Variants in CPNE2 observed in about 807,000 individuals in gnomAD.
The protein encoded by CPNE2 is copine 2.
A neutral mutation model predicts 69.7 loss-of-function variants in CPNE2; 42 were observed. The ratio of observed to expected loss-of-function variants is 0.60; its 90% CI spans 0.47 to 0.78. The LOEUF (loss-of-function observed/expected upper bound fraction) is 0.78. Among genes scored for constraint, CPNE2 ranks in the 30% least tolerant of loss-of-function variants. The pLI, the probability that CPNE2 is intolerant of heterozygous loss-of-function variation, is 0.00. For synonymous variants in CPNE2, 294 were observed against 289.8 expected (o/e 1.01, Z -0.15); for missense variants, 587 against 732.0 (o/e 0.80, Z 2.29).
In CPNE2 at chr16:57,092,946, C is replaced by T. The variant is rs1021938512; in HGVS notation, c.-36+156C>T. ...CCCCCGCCGCCAGCGCGAACCCGGA[C>T]TCCGGCGCTTCGGTGACTCAGCTCC... On this transcript the variant is annotated intron_variant, in intron 1 of 15. Coordinates refer to ENST00000290776, the MANE Select transcript of CPNE2 (RefSeq NM_152727.6). The surrounding 1 kb of genome is among the most constrained non-coding windows in gnomAD (Gnocchi z 5.3). 7.9e-5 allele frequency among the ~76,000 whole-genome samples: 12 copies of T among 152,108 alleles called. No homozygotes were observed. Among genetic ancestry groups the T allele is most frequent in the African/African-American group, 2.9e-4 (12 of 41,452 alleles).
At chr16:57,138,142 G>T (rs1424281039) in intron 14 of CPNE2, among the ~76,000 whole-genome samples, 2 of 152,196 alleles carry the variant, frequency 1.3e-5, no homozygotes, top group Non-Finnish European at 2.9e-5. Context: ...GCTGGTCTGG[G>T]TTGAGGAGAC....
At chr16:57,109,831 T>A (rs1326279055) in intron 1 of CPNE2, among the ~76,000 whole-genome samples, 2 of 152,214 alleles carry the variant, frequency 1.3e-5, no homozygotes, top group Non-Finnish European at 2.9e-5. Flanking sequence ...TGACCCAGAA[T>A]GCCTAACCAT....
chr16:57,105,131 G>A (rs1224123324), intron 1 of CPNE2, among the ~76,000 whole-genome samples: 2 of 152,204 alleles, frequency 1.3e-5, no homozygotes, highest in African/African-American at 4.8e-5. Flanking sequence ...AGAGATTCCT[G>A]TTATGGGTCA....
intron 1 of CPNE2, among the ~76,000 whole-genome samples, chr16:57,099,472 C>T (rs2069599049): frequency 6.6e-6 from 1 of 151,772 alleles, no homozygotes. Context: ...AATGTTTCTC[C>T]TAAGTGGTTG....
At chr16:57,093,083 C>G (rs1232850844) in intron 1 of CPNE2, among the ~76,000 whole-genome samples, 2 of 152,050 alleles carry the variant, frequency 1.3e-5, no homozygotes, top group African/African-American at 2.4e-5. Context: ...CTTTGGGGAC[C>G]CTTCCACCCG....
rs1289110990 is a variant in CPNE2 at position 57,146,656 on chromosome 16, A to G, written c.1539+335A>G. On this transcript the variant is annotated intron_variant, in intron 15 of 15. Transcript: ENST00000290776. This position sits in a 1 kb window ranked among gnomAD's most constrained non-coding sequence, Gnocchi z 4.4. ...GGGCTATCCATGTGGTGTAAAGTGCAGGAGGAGAGAGGGGTTTTCCTGATC... is the reference window on the plus strand; with the variant it reads ...GGGCTATCCATGTGGTGTAAAGTGCGGGAGGAGAGAGGGGTTTTCCTGATC... 3.9e-6 allele frequency: 1 copy of G among 258,150 alleles called. No homozygotes were observed. Among genetic ancestry groups the G allele is most frequent in the Non-Finnish European group, 7.5e-6 (1 of 133,362 alleles). 16.0% of individuals were successfully genotyped at this position (258,150 alleles called of 1,614,324 possible).
rs1159232859 is a variant in CPNE2 at position 57,140,945 on chromosome 16, G to T, written c.1302+3663G>T. The T allele has an allele frequency of 5.3e-5, 8 of 149,864 alleles. No homozygotes were observed. In the Admixed American group the frequency reaches 5.4e-4, roughly 10 times the overall value. The allele number at this position is 149,864 out of a possible 1,614,324, so 9.3% of individuals were successfully genotyped here. ...ACTGGCTAGAGAGGGCACAGCAAGA[G>T]GCAGGCTTCACCTTGCACTCCCTCC... On this transcript the variant is annotated intron_variant, in intron 14 of 15. Coordinates refer to ENST00000290776, the MANE Select transcript of CPNE2 (RefSeq NM_152727.6).
intron 14 of CPNE2, chr16:57,145,778 GCAA>G (rs2069952630): frequency 1.5e-5 from 6 of 406,398 alleles, no homozygotes; most frequent in Non-Finnish European, 2.7e-5. Context: ...ATAGCAACTG[GCAA>G]GGCCAGGCCC....
intron 1 of CPNE2, among the ~76,000 whole-genome samples, chr16:57,108,989 CT>C (rs1208099262): frequency 6.6e-6 from 1 of 152,174 alleles, no homozygotes; most frequent in African/African-American, 2.4e-5. Flanking sequence ...ATACTGGATG[CT>C]TCCTGTGCAC....
At chr16:57,140,669 A>G (rs1293538286) in intron 14 of CPNE2, among the ~76,000 whole-genome samples, 2 of 151,848 alleles carry the variant, frequency 1.3e-5, no homozygotes, top group African/African-American at 2.4e-5. Context: ...GGTTCAAGCA[A>G]TTCTCCTGAC....
In CPNE2 at chr16:57,119,614, G is replaced by A. The variant is rs1220901951; in HGVS notation, c.645G>A (p.Val215=). Residue 215 remains valine (V), a synonymous_variant, in exon 7 of 16, where the codon GTG becomes GTA. Coordinates refer to ENST00000290776, the MANE Select transcript of CPNE2 (RefSeq NM_152727.6). The part of the protein sequence containing the change: ...PVWKPFTVPL[V]SLCDGDMEKP... ...GGAAGCCATTCACAGTGCCCTTGGT[G>A]TCCCTGTGTGATGGGGACATGGAGA... 1.9e-6 allele frequency: 3 copies of A among 1,612,790 alleles called. No homozygotes were observed. The highest frequency in any genetic ancestry group is 1.6e-4 in the Middle Eastern group (1 of 6,074).
intron 1 of CPNE2, chr16:57,094,157 A>G (rs2069563176): frequency 2.2e-6 from 1 of 451,738 alleles, no homozygotes; most frequent in African/African-American, 2.0e-5. Context: ...TTCTCCATGG[A>G]AAGAACCAGG....
chr16:57,122,015 C>T (rs1045777532), intron 9 of CPNE2, among the ~76,000 whole-genome samples: 25 of 152,354 alleles, frequency 1.6e-4, no homozygotes, highest in Admixed American at 5.2e-4. Flanking sequence ...AGGGAAGGCA[C>T]GAGCTGACCT....
intron 1 of CPNE2, among the ~76,000 whole-genome samples, chr16:57,107,783 G>T (rs1193589983): frequency 6.6e-6 from 1 of 152,068 alleles, no homozygotes; most frequent in Non-Finnish European, 1.5e-5. Context: ...AGCTCCTGCA[G>T]GTCCTGGCCA....
At chr16:57,125,329 G>C (rs776669598) in intron 10 of CPNE2, 3 of 455,966 alleles carry the variant, frequency 6.6e-6, no homozygotes, top group African/African-American at 6.0e-5. Flanking sequence ...CCAGCTGATC[G>C]GGGAGACGGG....
chr16:57,110,855 G>A lies in CPNE2; in HGVS notation c.113G>A (p.Arg38Gln), dbSNP rs755154153. Residue 38 changes from arginine (R) to glutamine (Q), a missense_variant, in exon 2 of 16, where the codon CGG becomes CAG. Physicochemically the swap from Arg to Gln is conservative, Grantham distance 43 (BLOSUM62 1). Transcript: ENST00000290776. ...LSVSGQNLLD[R>Q]DVTSKSDPFC... The stretch of plus-strand genomic sequence containing the variant: ...GTGAGTGGCCAGAACCTACTGGACC[G>A]GGATGTTACCTCCAAGTCCGACCCC... The A allele has an allele frequency of 1.9e-5, 31 of 1,613,880 alleles. No individual in the cohort carries two copies. The highest frequency in any genetic ancestry group is 2.3e-5 in the Non-Finnish European group (27 of 1,179,862).
At chr16:57,123,515 G>A (rs761794678) in intron 10 of CPNE2, 42 bp downstream of exon 10, 2 of 1,596,586 alleles carry the variant, frequency 1.3e-6, no homozygotes, top group South Asian at 1.1e-5. Flanking sequence ...CCCCATCCCA[G>A]TGAGGGTCCT....
chr16:57,125,621 CTT>C, intron 10 of CPNE2: 1 of 559,038 alleles, frequency 1.8e-6, no homozygotes, highest in Non-Finnish European at 3.2e-6. Context: ...ACGTTAGTCT[CTT>C]ATGTCATCAC....
rs967926351 is a variant in CPNE2 at position 57,147,497 on chromosome 16, G to A, written c.1540-54G>A. ...GGGCATAGTGCCGCTCACAACTTCC[G>A]GTCATTAATCCTTATTCTCTCTCTT... On this transcript the variant is annotated intron_variant, in intron 15 of 15. Coordinates refer to ENST00000290776, the MANE Select transcript of CPNE2 (RefSeq NM_152727.6). 36 of 1,312,390 alleles carry A rather than the reference G, an allele frequency of 2.7e-5. 1 individual carries two copies. The highest frequency in any genetic ancestry group is 2.0e-4 in the South Asian group (13 of 65,452). 81.3% of individuals were successfully genotyped at this position (1,312,390 alleles called of 1,614,324 possible).
Sources: allele counts gnomAD v4.1 joint callset (sites outside exome capture counted in the v4.1 genomes callset), GRCh38; gene constraint gnomAD v4.1.1; non-coding constraint Gnocchi (gnomAD v3.1); transcripts MANE v1.5; gene names NCBI Gene and HGNC (gene_info 2026-07-23, HGNC 2026-07-21).